The following MOB1B variants were observed in gnomAD, a reference collection of about 807,000 sequenced individuals.
MOB1B encodes MOB kinase activator 1B, also known as MOB1 Mps One Binder homolog B.
In MOB1B, 19 loss-of-function variants were observed where a neutral mutation model predicts 24.4. The ratio of observed to expected loss-of-function variants is 0.78; its 90% CI spans 0.54 to 1.14. MOB1B has a LOEUF of 1.14. MOB1B is among the 50% of genes most tolerant of loss of function. The pLI, the probability that MOB1B is intolerant of heterozygous loss-of-function variation, is 0.00. For missense variants in MOB1B, 243 were observed against 259.6 expected, an observed-to-expected ratio of 0.94 and a Z score of 0.44; for synonymous variants, 76 against 82.1, an observed-to-expected ratio of 0.93 and a Z score of 0.40.
intron 1 of MOB1B, among the ~76,000 whole-genome samples, chr4:70,933,457 A>G (rs1736958644): frequency 6.6e-6 from 1 of 152,160 alleles, no homozygotes; most frequent in African/African-American, 2.4e-5. Context: ...TCAAACTTAA[A>G]AAACTTTATT....
At chr4:70,911,897 CTTTT>C (rs202152238) in intron 1 of MOB1B, among the ~76,000 whole-genome samples, 2 of 139,724 alleles carry the variant, frequency 1.4e-5, no homozygotes, top group African/African-American at 5.2e-5. Context: ...TTAAGGCCAT[CTTTT>C]TTTTTTTTTT....
chr4:70,949,462 A>G (rs1031877081), intron 1 of MOB1B, among the ~76,000 whole-genome samples: 2 of 152,194 alleles, frequency 1.3e-5, no homozygotes, highest in African/African-American at 4.8e-5. Context: ...TTGCAGATGC[A>G]TGTCTGCCTT....
At chr4:70,948,668 G>A (rs1274278065) in intron 1 of MOB1B, among the ~76,000 whole-genome samples, 1 of 151,930 alleles carries the variant, frequency 6.6e-6, no homozygotes, top group Non-Finnish European at 1.5e-5. Flanking sequence ...TCATGGTGTT[G>A]GTTTTCCTGG....
chr4:70,921,345 C>T (rs550862775), intron 1 of MOB1B, among the ~76,000 whole-genome samples: 78 of 152,262 alleles, frequency 5.1e-4, no homozygotes, highest in African/African-American at 1.8e-3. Context: ...AAACAGTAAA[C>T]ATAATGTGAA....
At chr4:70,942,891 AG>A (rs1737408027) in intron 1 of MOB1B, 1 of 791,774 alleles carries the variant, frequency 1.3e-6, no homozygotes, top group African/African-American at 1.8e-5. Context: ...AAGTAAGCAA[AG>A]AAAAAATTAT....
chr4:70,932,727 C>T (rs1326615445), intron 1 of MOB1B, among the ~76,000 whole-genome samples: 1 of 152,160 alleles, frequency 6.6e-6, no homozygotes, highest in Non-Finnish European at 1.5e-5. Context: ...GTACATGTTT[C>T]TGGCTTTTGT....
intron 1 of MOB1B, among the ~76,000 whole-genome samples, chr4:70,944,347 T>G (rs989570118): frequency 3.3e-5 from 5 of 152,196 alleles, no homozygotes; most frequent in Non-Finnish European, 5.9e-5. Flanking sequence ...TAATACTTTT[T>G]TATTTAGATT....
intron 1 of MOB1B, 66 bp downstream of exon 1, chr4:70,902,616 G>A: frequency 2.6e-6 from 3 of 1,148,790 alleles, no homozygotes; most frequent in African/African-American, 1.7e-5. Context: ...CCCGCCGCCC[G>A]CCGCCCGTCG....
intron 2 of MOB1B, among the ~76,000 whole-genome samples, chr4:70,963,556 A>G (rs1738389021): frequency 6.6e-6 from 1 of 151,314 alleles, no homozygotes; most frequent in Non-Finnish European, 1.5e-5. Flanking sequence ...ATGGTGGCTC[A>G]TGCCTGTAAT....
At chr4:70,965,300 A>C in intron 2 of MOB1B, among the ~76,000 whole-genome samples, 1 of 146,336 alleles carries the variant, frequency 6.8e-6, no homozygotes, top group African/African-American at 2.7e-5. Flanking sequence ...TCATCTCAAA[A>C]AAAAAAAAAA....
intron 1 of MOB1B, among the ~76,000 whole-genome samples, chr4:70,925,686 A>G (rs1041022994): frequency 1.3e-5 from 2 of 152,186 alleles, no homozygotes; most frequent in Non-Finnish European, 2.9e-5. Flanking sequence ...TAAGATCCCT[A>G]GGTGATTTGA....
At chr4:70,968,645 C>T (rs1439106200) in intron 2 of MOB1B, among the ~76,000 whole-genome samples, 3 of 152,028 alleles carry the variant, frequency 2.0e-5, no homozygotes, top group Admixed American at 2.0e-4. Context: ...GACAAGGTCT[C>T]GTTCTTTGGC....
chr4:70,930,965 C>CT (rs71211981), intron 1 of MOB1B, among the ~76,000 whole-genome samples: 7,005 of 114,210 alleles, frequency 0.061, 543 homozygotes, highest in African/African-American at 0.19. Flanking sequence ...TGTACCTTTC[C>CT]TTTTTTTTTT....
chr4:70,964,174 G>A (rs1055776815), intron 2 of MOB1B, among the ~76,000 whole-genome samples: 4 of 152,166 alleles, frequency 2.6e-5, no homozygotes, highest in African/African-American at 4.8e-5. Flanking sequence ...TGGTCATAAT[G>A]GGAGATTTTA....
chr4:70,960,616 G>A (rs565448579), intron 2 of MOB1B, among the ~76,000 whole-genome samples: 14 of 152,124 alleles, frequency 9.2e-5, no homozygotes, highest in Non-Finnish European at 1.8e-4. Flanking sequence ...TACCATGACA[G>A]CATTTACACA....
At chr4:70,909,114 T>C (rs1286864818) in intron 1 of MOB1B, among the ~76,000 whole-genome samples, 2 of 152,064 alleles carry the variant, frequency 1.3e-5, no homozygotes, top group Admixed American at 1.3e-4. Context: ...TGTTTGTGTC[T>C]GTCTCTGTTT....
chr4:70,956,128 A>T (rs1257017061), intron 1 of MOB1B, among the ~76,000 whole-genome samples: 2 of 152,132 alleles, frequency 1.3e-5, no homozygotes, highest in Non-Finnish European at 2.9e-5. Context: ...TCTGCACTCT[A>T]GTGTGGGCCT....
chr4:70,902,520 C>A lies in MOB1B; in HGVS notation c.-17C>A. On this transcript the variant is annotated 5_prime_UTR_variant, in exon 1 of 6. Transcript: ENST00000309395. ...GGCCTCGCGACCGCCGAGCCTGCAG[C>A]CTGCCCCGCGGCCAACATGAGCTTC... The A allele has an allele frequency of 6.4e-7, 1 of 1,563,254 alleles. No homozygotes were observed. The highest frequency in any genetic ancestry group is 8.7e-7 in the Non-Finnish European group (1 of 1,154,280).
At chr4:70,924,056 A>G (rs72852980) in intron 1 of MOB1B, among the ~76,000 whole-genome samples, 1,603 of 151,900 alleles carry the variant, frequency 0.011, 29 homozygotes, top group African/African-American at 0.036. Context: ...CAATGGGGGA[A>G]AGGTATTTTA....
Sources: allele counts gnomAD v4.1 joint callset (sites outside exome capture counted in the v4.1 genomes callset), GRCh38; gene constraint gnomAD v4.1.1; transcripts MANE v1.5; gene names NCBI Gene and HGNC (gene_info 2026-07-23, HGNC 2026-07-21).